NSMCE1: variants seen among roughly 807,000 people sequenced by gnomAD.
The protein encoded by NSMCE1 is non-structural maintenance of chromosomes element 1 homolog.
NSMCE1 carries 18 observed loss-of-function variants against 29.6 expected under a neutral mutation model. The observed-to-expected ratio is 0.61, with a 90% CI of 0.42 to 0.90. The LOEUF is 0.90. NSMCE1 is among the 40% of genes least tolerant of loss of function. The probability of loss-of-function intolerance (pLI) is 0.00; values close to 1 mark genes in which losing one functional copy is unlikely to be tolerated. For synonymous variants in NSMCE1, 124 were observed against 133.4 expected (o/e 0.93, Z 0.49); for missense variants, 314 against 343.6 (o/e 0.91, Z 0.68).
intron 2 of NSMCE1, among the ~76,000 whole-genome samples, chr16:27,255,408 A>ATGATGTGTAAGCCATTAC (rs2084076796): frequency 6.6e-6 from 1 of 152,204 alleles, no homozygotes; most frequent in South Asian, 2.1e-4. Context: ...ACTATGGTGT[A>ATGATGTGTAAGCCATTAC]TAGGGTTCTT....
chr16:27,227,670 G>A (rs1181503308), intron 5 of NSMCE1, among the ~76,000 whole-genome samples: 1 of 152,178 alleles, frequency 6.6e-6, no homozygotes, highest in Non-Finnish European at 1.5e-5. Flanking sequence ...ACCACACCAG[G>A]AGATGACGTC....
rs769483577 is a variant in NSMCE1 at position 27,257,474 on chromosome 16, C to A, written c.97G>T (p.Val33Leu). The change falls in exon 2 of 8, where the codon GTG becomes TTG. Residue 33 changes from valine to leucine, a missense_variant. By Grantham distance (32) the Val-to-Leu change is conservative. Transcript: ENST00000361439. ...MTHGVLEEWD[V>L]KRLQTHCYKV... is the part of the protein sequence containing the mutation. ...TAGCAGTGCGTCTGCAAGCGCTTCACGTCCCATTCCTCTAGCACGCCATGG... is the reference window on the plus strand; with the variant it reads ...TAGCAGTGCGTCTGCAAGCGCTTCAAGTCCCATTCCTCTAGCACGCCATGG... 6.2e-7 allele frequency: 1 copy of A among 1,613,736 alleles called. No individual in the cohort carries two copies. Among genetic ancestry groups the A allele is most frequent in the Non-Finnish European group, 8.5e-7 (1 of 1,179,918 alleles).
chr16:27,230,918 T>G (rs972488754), intron 5 of NSMCE1: 1 of 152,396 alleles, frequency 6.6e-6, no homozygotes, highest in Non-Finnish European at 1.5e-5. Context: ...GCGGGGCCTC[T>G]CCTATCCACC....
intron 5 of NSMCE1, among the ~76,000 whole-genome samples, chr16:27,228,493 C>T (rs1027267889): frequency 5.9e-5 from 9 of 152,000 alleles, no homozygotes; most frequent in Admixed American, 2.6e-4. Context: ...CGCCCTCTTC[C>T]AGCCTCCCCT....
intron 2 of NSMCE1, among the ~76,000 whole-genome samples, chr16:27,254,607 A>G (rs2084065912): frequency 6.6e-6 from 1 of 152,164 alleles, no homozygotes; most frequent in Non-Finnish European, 1.5e-5. Context: ...TTTTTTTGAG[A>G]TGGGGGTTCA....
chr16:27,227,851 T>C (rs954469782), intron 5 of NSMCE1, among the ~76,000 whole-genome samples: 2 of 146,686 alleles, frequency 1.4e-5, no homozygotes, highest in African/African-American at 5.1e-5. Context: ...AATGGCACAA[T>C]CTTGGCTCAA....
In NSMCE1 at chr16:27,233,429, G is replaced by A. The variant is rs1024719521; in HGVS notation, c.337-282C>T. On this transcript the variant is annotated intron_variant, in intron 4 of 7. Coordinates refer to ENST00000361439, the MANE Select transcript of NSMCE1 (RefSeq NM_145080.4). ...CCTTGCCTCACGGCTGGCCTCGGAG[G>A]CAGTGAGAGAGAGACACGGCAGGCA... Among the ~76,000 whole-genome samples the A allele has an allele frequency of 7.2e-5, 11 of 152,282 alleles. No homozygotes were observed. In the East Asian group the frequency reaches 7.8e-4, roughly 11 times the overall value.
chr16:27,234,885 G>A (rs550992131), intron 3 of NSMCE1, among the ~76,000 whole-genome samples: 3 of 152,348 alleles, frequency 2.0e-5, no homozygotes, highest in South Asian at 4.1e-4. Flanking sequence ...TCGGCGGCAG[G>A]AGGGATGAGG....
At chr16:27,261,749 G>A (rs888987125) in intron 1 of NSMCE1, among the ~76,000 whole-genome samples, 2 of 152,098 alleles carry the variant, frequency 1.3e-5, no homozygotes, top group Non-Finnish European at 2.9e-5. Flanking sequence ...ACCTAACAAG[G>A]ATGTCAAAAG....
At chr16:27,240,990 C>G (rs555767323) in intron 2 of NSMCE1, among the ~76,000 whole-genome samples, 1 of 152,152 alleles carries the variant, frequency 6.6e-6, no homozygotes, top group Non-Finnish European at 1.5e-5. Context: ...AGGAGGATAG[C>G]TTGAGCCCAG....
chr16:27,236,734 A>C (rs2083830038), intron 2 of NSMCE1, among the ~76,000 whole-genome samples: 1 of 152,230 alleles, frequency 6.6e-6, no homozygotes, highest in Non-Finnish European at 1.5e-5. Context: ...AAAATGGACA[A>C]TATGATACAT....
At chr16:27,261,166 CAAAAA>C (rs11420728) in intron 1 of NSMCE1, among the ~76,000 whole-genome samples, 2 of 98,102 alleles carry the variant, frequency 2.0e-5, no homozygotes, top group African/African-American at 3.8e-5. Context: ...GACTCCGTCT[CAAAAA>C]AAAAAAAAAA....
rs189711341 is a variant in NSMCE1 at position 27,239,526 on chromosome 16, T to C, written c.137-4227A>G. Among the ~76,000 whole-genome samples the C allele has an allele frequency of 3.4e-3, 520 of 152,324 alleles. 3 individuals are homozygous for C. The highest frequency in any genetic ancestry group is 5.7e-3 in the Non-Finnish European group (388 of 68,024). Reference sequence around the variant, plus strand: ...TCTTAGAAATACCACTTTGAAGACTTAGGAGTTAATTAACAACACCACTCC... The same window carrying C: ...TCTTAGAAATACCACTTTGAAGACTCAGGAGTTAATTAACAACACCACTCC... On this transcript the variant is annotated intron_variant, in intron 2 of 7. Coordinates refer to ENST00000361439, the MANE Select transcript of NSMCE1 (RefSeq NM_145080.4).
intron 2 of NSMCE1, among the ~76,000 whole-genome samples, chr16:27,247,287 A>G (rs985776380): frequency 2.6e-5 from 4 of 152,166 alleles, no homozygotes; most frequent in African/African-American, 9.7e-5. Flanking sequence ...TGACAGTTTT[A>G]TAAGGGTCTT....
Position 27,259,569 on chromosome 16 carries a change from T to C in NSMCE1, c.-11-1988A>G, listed in dbSNP as rs547896076. Among the ~76,000 whole-genome samples the C allele has an allele frequency of 2.0e-5, 3 of 151,702 alleles. No homozygotes were observed. In the South Asian group the frequency reaches 6.3e-4, roughly 32 times the overall value. Reference sequence around the variant, plus strand: ...ATTATCCTCTTTGGCATCATGGAGGTGTAGAGGAAAGAAATGGGAGGCAAA... The same window carrying C: ...ATTATCCTCTTTGGCATCATGGAGGCGTAGAGGAAAGAAATGGGAGGCAAA... On this transcript the variant is annotated intron_variant, in intron 1 of 7. Coordinates refer to ENST00000361439, the MANE Select transcript of NSMCE1 (RefSeq NM_145080.4).
At chr16:27,255,824 T>C (rs2084081207) in intron 2 of NSMCE1, among the ~76,000 whole-genome samples, 1 of 152,244 alleles carries the variant, frequency 6.6e-6, no homozygotes. Flanking sequence ...ACTGCAGTGC[T>C]CCAAATGTGA....
chr16:27,245,806 G>T (rs139689293), intron 2 of NSMCE1, among the ~76,000 whole-genome samples: 59 of 152,308 alleles, frequency 3.9e-4, no homozygotes, highest in African/African-American at 1.4e-3. Flanking sequence ...GACCGGCTCT[G>T]ACAGTGGTAT....
At chr16:27,263,741 A>G (rs1402519160) in intron 1 of NSMCE1, among the ~76,000 whole-genome samples, 1 of 152,242 alleles carries the variant, frequency 6.6e-6, no homozygotes, top group African/African-American at 2.4e-5. Flanking sequence ...AGAATATACA[A>G]TTGATAAAAT....
At chr16:27,227,803 G>A (rs936425713) in intron 5 of NSMCE1, among the ~76,000 whole-genome samples, 1 of 57,212 alleles carries the variant, frequency 1.7e-5, no homozygotes, top group Non-Finnish European at 3.3e-5. Flanking sequence ...TTTTTTTTTT[G>A]AGATGGAGTT....
Sources: allele counts gnomAD v4.1 joint callset (sites outside exome capture counted in the v4.1 genomes callset), GRCh38; gene constraint gnomAD v4.1.1; transcripts MANE v1.5; gene names NCBI Gene and HGNC (gene_info 2026-07-23, HGNC 2026-07-21).